RYR3: variants seen among roughly 807,000 people sequenced by gnomAD.
RYR3 encodes ryanodine receptor 3.
Under a neutral mutation model 584.3 loss-of-function variants are expected in RYR3, and 207 were observed. The observed-to-expected ratio is 0.35, with a 90% CI of 0.32 to 0.40. The LOEUF (loss-of-function observed/expected upper bound fraction) is 0.40, where lower values mean the gene tolerates loss of function less well. RYR3 is among the 10% of genes least tolerant of loss of function. The pLI, the probability that RYR3 is intolerant of heterozygous loss-of-function variation, is 1.00. For missense variants in RYR3, 5,616 were observed against 6,089.2 expected, an observed-to-expected ratio of 0.92 and a Z score of 2.59; for synonymous variants, 2,416 against 2,248.5, an observed-to-expected ratio of 1.07 and a Z score of -2.11.
Position 33,662,829 on chromosome 15 carries a change from G to A in RYR3, c.5299G>A (p.Glu1767Lys), listed in dbSNP as rs115321092. 7,239 of 1,613,938 alleles carry A rather than the reference G, an allele frequency of 4.5e-3. 218 individuals are homozygous for A. In the South Asian group the frequency reaches 0.059, roughly 13 times the overall value. The change falls in exon 35 of 104, where the codon GAA (glutamate) becomes AAA (lysine). Residue 1767 changes from glutamate to lysine, a missense_variant. Glu to Lys is a moderately conservative substitution (Grantham distance 56). Coordinates refer to ENST00000634891, the MANE Select transcript of RYR3 (RefSeq NM_001036.6). ...TAGTGCGGGGACAGAGGAGGGAGCA[G>A]AAAAGGAGGAAGTGACCCAGGTGGA... ...EHSAGTEEGA[E>K]KEEVTQVEEK...
At chr15:33,836,012 T>C (rs1240116616) in intron 87 of RYR3, among the ~76,000 whole-genome samples, 1 of 152,188 alleles carries the variant, frequency 6.6e-6, no homozygotes, top group Non-Finnish European at 1.5e-5. Context: ...TATCCTACAC[T>C]TCTGTGATAT....
chr15:33,668,658 G>A (rs1479321840), intron 36 of RYR3, among the ~76,000 whole-genome samples: 1 of 152,050 alleles, frequency 6.6e-6, no homozygotes, highest in South Asian at 2.1e-4. Flanking sequence ...TTACTGTAAC[G>A]AAGATGGCAT....
chr15:33,615,863 G>T (rs533497069), intron 19 of RYR3, among the ~76,000 whole-genome samples: 1 of 152,308 alleles, frequency 6.6e-6, no homozygotes, highest in East Asian at 1.9e-4. Flanking sequence ...CTGGAAGAGG[G>T]AAAGGACCTT....
intron 1 of RYR3, among the ~76,000 whole-genome samples, chr15:33,364,150 G>C (rs1412561769): frequency 6.6e-6 from 1 of 152,154 alleles, no homozygotes; most frequent in Admixed American, 6.5e-5. Context: ...ATTGTGCTAA[G>C]TAAAATGTTT....
At chr15:33,560,528 GA>G (rs1436653431) in intron 10 of RYR3, among the ~76,000 whole-genome samples, 1 of 151,750 alleles carries the variant, frequency 6.6e-6, no homozygotes, top group Non-Finnish European at 1.5e-5. Context: ...TTGATAGTTG[GA>G]TAATATGAAT....
chr15:33,353,116 A>G (rs899838297), intron 1 of RYR3, among the ~76,000 whole-genome samples: 5 of 152,190 alleles, frequency 3.3e-5, no homozygotes, highest in Non-Finnish European at 7.3e-5. Context: ...TCTAAGGTAT[A>G]TGAGTGCATT....
At chr15:33,432,335 T>G (rs1369818657) in intron 1 of RYR3, among the ~76,000 whole-genome samples, 1 of 152,142 alleles carries the variant, frequency 6.6e-6, no homozygotes. Flanking sequence ...GTTACTGAAC[T>G]ACATAAATGT....
At chr15:33,745,128 A>C (rs2070562615) in intron 52 of RYR3, among the ~76,000 whole-genome samples, 1 of 152,162 alleles carries the variant, frequency 6.6e-6, no homozygotes, top group Non-Finnish European at 1.5e-5. Context: ...GGGTACAGGC[A>C]GTGGTGTCAA....
chr15:33,856,381 A>C (rs1206613655), intron 98 of RYR3: 2 of 152,142 alleles, frequency 1.3e-5, no homozygotes, highest in African/African-American at 4.8e-5. Flanking sequence ...CTCCCAGCTC[A>C]ATGCCTAGTC....
intron 45 of RYR3, among the ~76,000 whole-genome samples, chr15:33,725,972 C>CT (rs767013477): frequency 2.5e-5 from 1 of 40,526 alleles, no homozygotes; most frequent in Non-Finnish European, 6.0e-5. Context: ...TCCATCCCCC[C>CT]CCCCAAAAAA....
In RYR3 at chr15:33,837,750, A is replaced by G; in HGVS notation, c.11770A>G (p.Ser3924Gly). ...GTTCTTGAAACTTAAAGACTTAACCAGCTCAGACACCTTCAAAGAATATGA... is the reference window on the plus strand; with the variant it reads ...GTTCTTGAAACTTAAAGACTTAACCGGCTCAGACACCTTCAAAGAATATGA... ...DMFLKLKDLT[S>G]SDTFKEYDPD... The change falls in exon 89 of 104, where the codon AGC (serine) becomes GGC (glycine). Residue 3924 changes from serine to glycine, a missense_variant. By Grantham distance (56) the Ser-to-Gly change is moderately conservative. Transcript: ENST00000634891. The G allele has an allele frequency of 1.9e-6, 3 of 1,613,930 alleles. No homozygotes were observed. The highest frequency in any genetic ancestry group is 2.5e-6 in the Non-Finnish European group (3 of 1,179,834).
intron 1 of RYR3, among the ~76,000 whole-genome samples, chr15:33,403,670 A>G (rs2042832185): frequency 1.3e-5 from 2 of 152,112 alleles, no homozygotes; most frequent in African/African-American, 4.8e-5. Context: ...TTTAGAAAAC[A>G]TAAAATGAAT....
At chr15:33,694,458 A>T (rs528864474) in intron 38 of RYR3, among the ~76,000 whole-genome samples, 1 of 152,174 alleles carries the variant, frequency 6.6e-6, no homozygotes, top group Admixed American at 6.5e-5. Flanking sequence ...GTTAGCCAGG[A>T]TAGTCTCCTT....
At chr15:33,470,834 C>T (rs76353278) in intron 1 of RYR3, among the ~76,000 whole-genome samples, 3,359 of 152,196 alleles carry the variant, frequency 0.022, 59 homozygotes, top group Non-Finnish European at 0.028. Context: ...TTGCAGCCTT[C>T]GAGTAAGGGT....
chr15:33,417,990 T>C (rs1956741424), intron 1 of RYR3, among the ~76,000 whole-genome samples: 1 of 152,202 alleles, frequency 6.6e-6, no homozygotes, highest in African/African-American at 2.4e-5. Flanking sequence ...TCAAATTGCG[T>C]ATGTTGAACC....
At chr15:33,401,630 T>C (rs1308876458) in intron 1 of RYR3, among the ~76,000 whole-genome samples, 2 of 152,222 alleles carry the variant, frequency 1.3e-5, no homozygotes, top group Non-Finnish European at 1.5e-5. Context: ...AACATGACAG[T>C]GTGATGTCAT....
intron 1 of RYR3, among the ~76,000 whole-genome samples, chr15:33,392,423 AGAAGG>A (rs2042061507): frequency 2.6e-5 from 4 of 151,718 alleles, no homozygotes; most frequent in African/African-American, 7.3e-5. Context: ...AGTGAGGAAG[AGAAGG>A]GAAGGAAGCC....
chr15:33,564,517 A>G (rs2057591997), intron 11 of RYR3, among the ~76,000 whole-genome samples: 1 of 152,186 alleles, frequency 6.6e-6, no homozygotes, highest in Admixed American at 6.5e-5. Flanking sequence ...AAATGCCACA[A>G]ACCCATCCTC....
chr15:33,467,474 A>G, intron 1 of RYR3: 1 of 985,054 alleles, frequency 1.0e-6, no homozygotes, highest in Non-Finnish European at 1.2e-6. Context: ...TCTGGCCCTC[A>G]GGCTGCGAGC....
Sources: allele counts gnomAD v4.1 joint callset (sites outside exome capture counted in the v4.1 genomes callset), GRCh38; gene constraint gnomAD v4.1.1; transcripts MANE v1.5; gene names NCBI Gene and HGNC (gene_info 2026-07-23, HGNC 2026-07-21).